ZC3H12B: variants seen among roughly 807,000 people sequenced by gnomAD.
ZC3H12B encodes zinc finger CCCH-type containing 12B.
ZC3H12B carries 7 observed loss-of-function variants against 43.9 expected under a neutral mutation model. The observed-to-expected ratio is 0.16, with a 90% CI of 0.09 to 0.30. The LOEUF (loss-of-function observed/expected upper bound fraction) is 0.30. Ranked by LOEUF, ZC3H12B falls within the 10% of genes least tolerant of loss-of-function variation. The probability of loss-of-function intolerance (pLI) is 1.00; values close to 1 mark genes in which losing one functional copy is unlikely to be tolerated. For missense variants in ZC3H12B, 475 were observed against 670.2 expected, an observed-to-expected ratio of 0.71 and a Z score of 3.22; for synonymous variants, 222 against 241.7, an observed-to-expected ratio of 0.92 and a Z score of 0.76.
chrX:65,194,010 G>A, the ZC3H12B span, among the ~76,000 whole-genome samples: 2 of 110,360 alleles, frequency 1.8e-5, no homozygotes, highest in African/African-American at 6.6e-5. Context: ...GCAAGAGGAA[G>A]AAGGGTGGAG....
the ZC3H12B span, among the ~76,000 whole-genome samples, chrX:65,060,938 C>T: frequency 2.2e-3 from 241 of 111,465 alleles, 2 homozygotes; most frequent in Non-Finnish European, 5.7e-4. Context: ...GCTTCATTTT[C>T]ATTACTTGTT....
the ZC3H12B span, among the ~76,000 whole-genome samples, chrX:65,251,209 T>A: frequency 8.9e-6 from 1 of 111,793 alleles, no homozygotes; most frequent in East Asian, 2.8e-4. Context: ...TTTCCCCATT[T>A]CTTGTTTTTG....
chrX:65,376,222 G>A (rs1230975340), intron 2 of ZC3H12B, among the ~76,000 whole-genome samples: 1 of 112,165 alleles, frequency 8.9e-6, no homozygotes, highest in African/African-American at 3.2e-5. Flanking sequence ...GAGAGGATAG[G>A]GAAAGCATCT....
At chrX:65,486,138 A>G (rs909927431), upstream of ZC3H12B, among the ~76,000 whole-genome samples, 3 of 112,464 alleles carry the variant, frequency 2.7e-5, no homozygotes, top group Admixed American at 9.4e-5. Context: ...CTGTATGTCA[A>G]TGAAAATTTG....
chrX:65,463,828 C>T (rs2067784277), intron 3 of ZC3H12B, among the ~76,000 whole-genome samples: 1 of 111,028 alleles, frequency 9.0e-6, no homozygotes, highest in South Asian at 4.0e-4. Context: ...AGAAGCCAGA[C>T]CATTGAATAC....
At chrX:65,160,683 C>G in the ZC3H12B span, among the ~76,000 whole-genome samples, 1 of 110,963 alleles carries the variant, frequency 9.0e-6, no homozygotes, top group East Asian at 2.8e-4. Context: ...AATGGTGTAT[C>G]AATTTTGTTG....
chrX:65,197,549 T>A, the ZC3H12B span, among the ~76,000 whole-genome samples: 1 of 112,208 alleles, frequency 8.9e-6, no homozygotes, highest in African/African-American at 3.2e-5. Context: ...AAGCAAACTT[T>A]GCTCCCCAGT....
the ZC3H12B span, among the ~76,000 whole-genome samples, chrX:65,171,906 G>A: frequency 9.0e-6 from 1 of 111,363 alleles, no homozygotes; most frequent in South Asian, 3.8e-4. Context: ...CAGTATTAGG[G>A]TGGGAATATC....
At chrX:65,303,819 A>G in the ZC3H12B span, among the ~76,000 whole-genome samples, 3 of 112,469 alleles carry the variant, frequency 2.7e-5, no homozygotes, top group South Asian at 3.6e-4. Context: ...AAATACATAG[A>G]GATGATCTGA....
At chrX:65,349,909 A>G in the ZC3H12B span, among the ~76,000 whole-genome samples, 1 of 111,810 alleles carries the variant, frequency 8.9e-6, no homozygotes, top group Non-Finnish European at 1.9e-5. Flanking sequence ...TGGATTCACA[A>G]TGAAATTCTA....
chrX:65,131,142 CAA>C, the ZC3H12B span, among the ~76,000 whole-genome samples: 19 of 111,395 alleles, frequency 1.7e-4, no homozygotes, highest in Middle Eastern at 4.6e-3. Flanking sequence ...CGAGTTAAGG[CAA>C]AGAGTTTGGC....
At chrX:65,384,630 G>C (rs191051718) in intron 2 of ZC3H12B, among the ~76,000 whole-genome samples, 18 of 110,923 alleles carry the variant, frequency 1.6e-4, no homozygotes, top group Admixed American at 7.7e-4. Context: ...GTAATTCTTT[G>C]CTTATCATTG....
At chrX:65,255,575 A>G in the ZC3H12B span, among the ~76,000 whole-genome samples, 1 of 112,312 alleles carries the variant, frequency 8.9e-6, no homozygotes, top group Non-Finnish European at 1.9e-5. Flanking sequence ...CTTACCAGCC[A>G]CCACAAAAAT....
the ZC3H12B span, among the ~76,000 whole-genome samples, chrX:65,054,136 G>T: frequency 5.4e-5 from 6 of 111,541 alleles, no homozygotes; most frequent in South Asian, 7.4e-4. Context: ...GTCAATTTTG[G>T]CTTTTGTTGC....
the ZC3H12B span, among the ~76,000 whole-genome samples, chrX:65,283,377 G>A: frequency 1.8e-5 from 2 of 111,507 alleles, no homozygotes; most frequent in African/African-American, 6.5e-5. Context: ...ATACTGAATG[G>A]GCAAAAACTG....
intron 3 of ZC3H12B, among the ~76,000 whole-genome samples, chrX:65,464,978 G>A (rs1467901281): frequency 1.8e-5 from 2 of 110,650 alleles, no homozygotes; most frequent in Non-Finnish European, 3.8e-5. Context: ...ATTTTAGAGA[G>A]AACATAATTT....
chrX:65,183,090 G>A, the ZC3H12B span, among the ~76,000 whole-genome samples: 3 of 111,909 alleles, frequency 2.7e-5, no homozygotes, highest in African/African-American at 9.7e-5. Context: ...CCAAAGGAAT[G>A]TAAATCAGTC....
At chrX:65,430,859 T>G (rs746844829) in intron 3 of ZC3H12B, among the ~76,000 whole-genome samples, 4 of 111,477 alleles carry the variant, frequency 3.6e-5, no homozygotes, top group South Asian at 3.8e-4. Context: ...CACCCCATCC[T>G]GCTTTTCTTC....
At chrX:65,197,002 G>A in the ZC3H12B span, among the ~76,000 whole-genome samples, 6 of 112,004 alleles carry the variant, frequency 5.4e-5, no homozygotes, top group African/African-American at 1.6e-4. Context: ...CAAAGCCAAG[G>A]CAGAGCAAGC....
Sources: allele counts gnomAD v4.1 joint callset (sites outside exome capture counted in the v4.1 genomes callset), GRCh38; gene constraint gnomAD v4.1.1; transcripts MANE v1.5; gene names NCBI Gene and HGNC (gene_info 2026-07-23, HGNC 2026-07-21).